RPRD1A: variants seen among roughly 807,000 people sequenced by gnomAD.
RPRD1A encodes the protein regulation of nuclear pre-mRNA domain-containing protein 1A.
A neutral mutation model predicts 37.8 loss-of-function variants in RPRD1A; 9 were observed. The ratio of observed to expected loss-of-function variants is 0.24; its 90% confidence interval spans 0.14 to 0.42. RPRD1A has a LOEUF of 0.42. Among genes scored for constraint, RPRD1A ranks in the 10% least tolerant of loss-of-function variants. RPRD1A has a pLI of 1.00. For missense variants in RPRD1A, 255 were observed against 371.0 expected (o/e 0.69, Z 2.57); for synonymous variants, 138 against 139.7 (o/e 0.99, Z 0.08).
At chr18:36,035,427 A>G (rs1828161643) in intron 1 of RPRD1A, among the ~76,000 whole-genome samples, 1 of 152,178 alleles carries the variant, frequency 6.6e-6, no homozygotes, top group East Asian at 1.9e-4. Context: ...AACAAAGCCA[A>G]AAACATTATT....
At chr18:36,051,272 T>C (rs1913371558) in intron 1 of RPRD1A, among the ~76,000 whole-genome samples, 1 of 152,196 alleles carries the variant, frequency 6.6e-6, no homozygotes, top group Non-Finnish European at 1.5e-5. Flanking sequence ...ATCAAAATCA[T>C]TTGACCTTTT....
rs1290159127 is a variant in RPRD1A, at chr18:35,991,303, A to G, written c.*1848T>C. The G allele has an allele frequency of 6.6e-6, 1 of 152,206 alleles. No homozygotes were observed. Among genetic ancestry groups the G allele is most frequent in the Non-Finnish European group, 1.5e-5 (1 of 68,044 alleles). 9.4% of individuals were successfully genotyped at this position (152,206 alleles called of 1,614,324 possible). A position where few individuals can be genotyped will look rare whatever the true frequency, so the allele number is the denominator to read the frequency against. ...AACTTACTTAGTATACTTTCATAAC[A>G]TGTACAACCAGGTTTCATAATTGTG... is the stretch of plus-strand genomic sequence containing the variant. On this transcript the variant is annotated 3_prime_UTR_variant, in exon 7 of 7. Coordinates refer to ENST00000399022, the MANE Select transcript of RPRD1A (RefSeq NM_018170.5).
At chr18:36,065,103 CTA>C (rs1350573099) in intron 1 of RPRD1A, among the ~76,000 whole-genome samples, 3 of 152,164 alleles carry the variant, frequency 2.0e-5, no homozygotes, top group Non-Finnish European at 4.4e-5. Context: ...TCTTTAAGAA[CTA>C]TAACACCGCG....
At chr18:36,058,866 A>C (rs1488622120) in intron 1 of RPRD1A, among the ~76,000 whole-genome samples, 1 of 152,208 alleles carries the variant, frequency 6.6e-6, no homozygotes, top group African/African-American at 2.4e-5. Flanking sequence ...TGCAGAGGTC[A>C]TGTGATACAG....
At chr18:36,025,565 T>C (rs1911308013) in intron 6 of RPRD1A, 1 of 1,106,590 alleles carries the variant, frequency 9.0e-7, no homozygotes, top group African/African-American at 1.6e-5. Flanking sequence ...CAGTCTTCTC[T>C]TCAATTTTCA....
At chr18:36,000,019 T>C (rs1471001507) in intron 6 of RPRD1A, among the ~76,000 whole-genome samples, 1 of 152,204 alleles carries the variant, frequency 6.6e-6, no homozygotes, top group Non-Finnish European at 1.5e-5. Flanking sequence ...AAAAATTAAC[T>C]GAAGTATTAA....
At chr18:36,059,622 C>T (rs964691348) in intron 1 of RPRD1A, among the ~76,000 whole-genome samples, 2 of 151,964 alleles carry the variant, frequency 1.3e-5, no homozygotes, top group African/African-American at 4.8e-5. Context: ...GATCCTCAAA[C>T]CAGAAAGTAG....
chr18:36,057,955 T>C (rs139438240), intron 1 of RPRD1A, among the ~76,000 whole-genome samples: 89 of 152,362 alleles, frequency 5.8e-4, no homozygotes, highest in Non-Finnish European at 1.1e-3. Context: ...AACACAGCTG[T>C]ATGTCCCTTT....
At chr18:35,995,394 T>C (rs926905025) in intron 6 of RPRD1A, among the ~76,000 whole-genome samples, 2 of 151,738 alleles carry the variant, frequency 1.3e-5, no homozygotes, top group Admixed American at 1.3e-4. Flanking sequence ...CTCCTGAGTT[T>C]AGCTGGGATT....
intron 6 of RPRD1A, among the ~76,000 whole-genome samples, chr18:36,000,305 T>G (rs1284612305): frequency 6.6e-6 from 1 of 152,212 alleles, no homozygotes; most frequent in Admixed American, 6.5e-5. Flanking sequence ...GGTTATCCTA[T>G]ACATCTCAGA....
At chr18:36,029,047 G>C (rs909455174) in intron 4 of RPRD1A, among the ~76,000 whole-genome samples, 1 of 152,172 alleles carries the variant, frequency 6.6e-6, no homozygotes, top group Non-Finnish European at 1.5e-5. Context: ...TTACCAAATA[G>C]GAAGAGACAT....
intron 1 of RPRD1A, among the ~76,000 whole-genome samples, chr18:36,055,015 T>C (rs1351500426): frequency 6.6e-6 from 1 of 152,226 alleles, no homozygotes; most frequent in African/African-American, 2.4e-5. Context: ...CTGATTTAAA[T>C]GTTCATCTCA....
chr18:36,012,589 G>C, intron 6 of RPRD1A, among the ~76,000 whole-genome samples: 1 of 152,200 alleles, frequency 6.6e-6, no homozygotes, highest in East Asian at 1.9e-4. Flanking sequence ...CTAGGTTTGT[G>C]TAAGTGCATG....
At chr18:36,024,366 G>A (rs975446598) in intron 6 of RPRD1A, among the ~76,000 whole-genome samples, 7 of 149,934 alleles carry the variant, frequency 4.7e-5, no homozygotes, top group African/African-American at 1.7e-4. Context: ...ATGTCAGCCA[G>A]GCTGGTCTTG....
intron 4 of RPRD1A, chr18:36,027,718 T>C (rs181785466): frequency 3.5e-3 from 549 of 155,556 alleles, no homozygotes; most frequent in Non-Finnish European, 6.1e-3. Flanking sequence ...TAGAAGTTTT[T>C]TTAGTATTAA....
rs1008082708 is a variant in RPRD1A, at chr18:35,990,849, C to T, written c.*2302G>A. On this transcript the variant is annotated 3_prime_UTR_variant, in exon 7 of 7. Coordinates refer to ENST00000399022, the MANE Select transcript of RPRD1A (RefSeq NM_018170.5). ...AAGGCTTACCATGTTAATTATCACA[C>T]GGCTGAAAAGATGACTTCTAAATCA... The T allele has an allele frequency of 3.3e-5, 5 of 152,140 alleles. No homozygotes were observed. The highest frequency in any genetic ancestry group is 1.2e-4 in the African/African-American group (5 of 41,428). 9.4% of individuals were successfully genotyped at this position (152,140 alleles called of 1,614,324 possible).
intron 6 of RPRD1A, chr18:36,025,484 A>G (rs890887822): frequency 2.2e-6 from 1 of 444,760 alleles, no homozygotes. Flanking sequence ...TTCAAATATA[A>G]ATTCTGTTTT....
chr18:36,021,665 A>T (rs1203357162), intron 6 of RPRD1A, among the ~76,000 whole-genome samples: 4 of 152,206 alleles, frequency 2.6e-5, no homozygotes, highest in Non-Finnish European at 5.9e-5. Context: ...CAATTAGCCA[A>T]GCTGTGAATG....
chr18:36,027,012 T>A lies in RPRD1A; in HGVS notation c.677A>T (p.Tyr226Phe), dbSNP rs767638938. Reference protein sequence around the residue: ...VEDACMLLADYNGRLAAEIDD... With the variant: ...VEDACMLLADFNGRLAAEIDD... ...TATTTCTGCCGCCAATCTGCCATTG[T>A]AATCTGCCAGCAACATACACGCATC... Residue 226 changes from tyrosine (Y) to phenylalanine (F), a missense_variant, in exon 6 of 7, where the codon TAC (tyrosine) becomes TTC (phenylalanine). Coordinates refer to ENST00000399022, the MANE Select transcript of RPRD1A (RefSeq NM_018170.5). The A allele has an allele frequency of 6.2e-7, 1 of 1,613,922 alleles. No individual in the cohort carries two copies.
Sources: allele counts gnomAD v4.1 joint callset (sites outside exome capture counted in the v4.1 genomes callset), GRCh38; gene constraint gnomAD v4.1.1; transcripts MANE v1.5; gene names NCBI Gene and HGNC (gene_info 2026-07-23, HGNC 2026-07-21).